VLDLR: variants seen among roughly 807,000 people sequenced by gnomAD.
VLDLR encodes the protein very low density lipoprotein receptor, also known as very low-density lipoprotein receptor.
In VLDLR, 81 loss-of-function variants were observed where a neutral mutation model predicts 112.7. That is an observed-to-expected ratio of 0.72 (90% CI 0.60 to 0.86). VLDLR has a LOEUF of 0.86. Ranked by LOEUF, VLDLR falls within the 40% of genes least tolerant of loss-of-function variation. The pLI is 0.00. For synonymous variants in VLDLR, 436 were observed against 384.8 expected (o/e 1.13, Z -1.56); for missense variants, 1,237 against 1,099.4 (o/e 1.13, Z -1.77).
rs189438512 is a variant in VLDLR, at chr9:2,659,422, G to C, written c.*5554G>C. 1.9e-4 allele frequency: 29 copies of C among 152,338 alleles called. No individual in the cohort carries two copies. The highest frequency in any genetic ancestry group is 5.5e-4 in the African/African-American group (23 of 41,574). The allele number at this position is 152,338 out of a possible 1,614,324, so 9.4% of individuals were successfully genotyped here. Reference sequence around the variant, plus strand: ...GTGTACTACTAGCACTACTACATCAGGTCAGCACAGATTAACTCAGTTACG... The same window carrying C: ...GTGTACTACTAGCACTACTACATCACGTCAGCACAGATTAACTCAGTTACG... On this transcript the variant is annotated 3_prime_UTR_variant, in exon 19 of 19. Transcript: ENST00000382100.
intron 1 of VLDLR, among the ~76,000 whole-genome samples, chr9:2,631,319 T>C (rs903277968): frequency 6.6e-5 from 10 of 152,228 alleles, no homozygotes; most frequent in African/African-American, 2.2e-4. Flanking sequence ...ACTGGGTATC[T>C]ACCCAAAGGA....
At chr9:2,640,126 C>T in intron 3 of VLDLR, 145 bp downstream of exon 3, 1 of 1,305,454 alleles carries the variant, frequency 7.7e-7, no homozygotes, top group South Asian at 1.2e-5. Context: ...GCAGTCAAAT[C>T]ATTACCAGTT....
Position 2,659,413 on chromosome 9 carries a change from A to G in VLDLR, c.*5545A>G, listed in dbSNP as rs1818722811. 6.6e-6 allele frequency: 1 copy of G among 152,248 alleles called. No individual in the cohort carries two copies. The highest frequency in any genetic ancestry group is 2.4e-5 in the African/African-American group (1 of 41,470). 9.4% of individuals were successfully genotyped at this position (152,248 alleles called of 1,614,324 possible). On this transcript the variant is annotated 3_prime_UTR_variant, in exon 19 of 19. Transcript: ENST00000382100. Reference sequence around the variant, plus strand: ...GTAATGGAAGTGTACTACTAGCACTACTACATCAGGTCAGCACAGATTAAC... The same window carrying G: ...GTAATGGAAGTGTACTACTAGCACTGCTACATCAGGTCAGCACAGATTAAC...
chr9:2,644,854 G>A lies in VLDLR; in HGVS notation c.1186+1G>A. 1 of 1,614,162 alleles carries A rather than the reference G, an allele frequency of 6.2e-7. No homozygotes were observed. Among genetic ancestry groups the A allele is most frequent in the Non-Finnish European group, 8.5e-7 (1 of 1,180,028 alleles). ...CTGATAGATAGGAAAACCTGTGGAG[G>A]TGAGTCTAAGAAGAAAACCTGGACC... On this transcript the variant is annotated splice_donor_variant, in intron 8 of 18. Coordinates refer to ENST00000382100, the MANE Select transcript of VLDLR (RefSeq NM_003383.5). LOFTEE classifies it high-confidence loss of function.
At chr9:2,638,739 C>A (rs1047339221) in intron 2 of VLDLR, among the ~76,000 whole-genome samples, 6 of 152,158 alleles carry the variant, frequency 3.9e-5, no homozygotes, top group Non-Finnish European at 8.8e-5. Context: ...TGCATGGTAA[C>A]CCTAAGTATA....
chr9:2,622,963 C>A (rs1211662680), intron 1 of VLDLR, among the ~76,000 whole-genome samples: 1 of 152,194 alleles, frequency 6.6e-6, no homozygotes, highest in Non-Finnish European at 1.5e-5. Flanking sequence ...TTCCCCGCCT[C>A]GGGCGGCGTT....
rs112150234 is a variant in VLDLR, at chr9:2,643,981, G to T, written c.1066+22G>T. ...TGTCGTAAGTGTACTTGTTGTTCAA[G>T]TACAGATCCTGGAAGTTTGACACAA... On this transcript the variant is annotated intron_variant, in intron 7 of 18. Coordinates refer to ENST00000382100, the MANE Select transcript of VLDLR (RefSeq NM_003383.5). 28 of 1,613,976 alleles carry T rather than the reference G, an allele frequency of 1.7e-5. No individual in the cohort carries two copies. The African/African-American group carries it at 2.9e-4, about 17-fold the overall frequency.
intron 1 of VLDLR, among the ~76,000 whole-genome samples, chr9:2,632,679 G>C (rs1325478646): frequency 6.6e-6 from 1 of 152,148 alleles, no homozygotes; most frequent in Non-Finnish European, 1.5e-5. Flanking sequence ...GAGGTGGATA[G>C]GTAGAACCTT....
At position 2,622,095 on chromosome 9, in the gene VLDLR, C is replaced by G. The variant is rs1460651295; in HGVS notation, c.-95C>G. 3 of 1,282,660 alleles carry G rather than the reference C, an allele frequency of 2.3e-6. No individual in the cohort carries two copies. Among genetic ancestry groups the G allele is most frequent in the African/African-American group, 3.1e-5 (2 of 64,902 alleles). The allele number at this position is 1,282,660 out of a possible 1,614,324, so 79.5% of individuals were successfully genotyped here. On this transcript the variant is annotated 5_prime_UTR_variant, in exon 1 of 19. Coordinates refer to ENST00000382100, the MANE Select transcript of VLDLR (RefSeq NM_003383.5). ...CTTCTCCCCCTTTCCCCTCCCCGCC[C>G]CCACCTTCTTCCTCCTTTCGGAAGG...
At chr9:2,641,836 AAAATT>A (rs1817842081) in intron 4 of VLDLR, among the ~76,000 whole-genome samples, 1 of 152,186 alleles carries the variant, frequency 6.6e-6, no homozygotes, top group Non-Finnish European at 1.5e-5. Flanking sequence ...TTGGCACAAT[AAAATT>A]AGAAGGTGAG....
At chr9:2,652,050 A>T in intron 17 of VLDLR, 96 bp downstream of exon 17, 1 of 1,119,662 alleles carries the variant, frequency 8.9e-7, no homozygotes, top group East Asian at 2.4e-5. Context: ...ATGGGCCTTT[A>T]TGCTGTCTAG....
intron 18 of VLDLR, 137 bp downstream of exon 18, chr9:2,653,086 C>A (rs1029574465): frequency 3.5e-6 from 4 of 1,127,912 alleles, no homozygotes; most frequent in Non-Finnish European, 5.3e-6. Flanking sequence ...ATTAGACAGA[C>A]AGTATAGCCT....
rs572795512 is a variant in VLDLR at position 2,653,936 on chromosome 9, C to T, written c.*68C>T. On this transcript the variant is annotated 3_prime_UTR_variant, in exon 19 of 19. Transcript: ENST00000382100. ...ACCCCCGTCGGAATGGTAACCGAGCCAGCAGCTGAAGTCTCTTTTTCTTCC... is the reference window on the plus strand; with the variant it reads ...ACCCCCGTCGGAATGGTAACCGAGCTAGCAGCTGAAGTCTCTTTTTCTTCC... 1.1e-4 allele frequency: 166 copies of T among 1,542,022 alleles called. 1 individual carries two copies. In the African/African-American group the frequency reaches 1.9e-3, roughly 17 times the overall value.
intron 14 of VLDLR, 111 bp downstream of exon 14, chr9:2,648,921 TTTTGCCCTCCTGTACCCTACCTTAAACA>T: frequency 7.1e-7 from 1 of 1,399,874 alleles, no homozygotes; most frequent in Non-Finnish European, 9.9e-7. Context: ...AAAAGGGAAC[TTTTGCCCTCCTGTACCCTACCTTAAACA>T]TTTCACATGT....
chr9:2,637,905 T>C (rs1277561428), intron 2 of VLDLR, among the ~76,000 whole-genome samples: 1 of 152,140 alleles, frequency 6.6e-6, no homozygotes, highest in Non-Finnish European at 1.5e-5. Context: ...ACCACGCCAC[T>C]GCACTCCAGC....
intron 3 of VLDLR, 29 bp downstream of exon 3, chr9:2,640,010 T>G (rs1333869602): frequency 6.2e-7 from 1 of 1,614,166 alleles, no homozygotes; most frequent in Non-Finnish European, 8.5e-7. Context: ...GGCCTTGAAC[T>G]TTGCCAAGTT....
At position 2,654,144 on chromosome 9, in the gene VLDLR, C is replaced by T. The variant is rs1442539674; in HGVS notation, c.*276C>T. ...CCACCTCTGGCCAAATATGCACTTT[C>T]CCTAGAAAGCCATATTCCAGCAGTG... On this transcript the variant is annotated 3_prime_UTR_variant, in exon 19 of 19. Transcript: ENST00000382100. The T allele has an allele frequency of 2.2e-6, 1 of 459,488 alleles. No homozygotes were observed. The highest frequency in any genetic ancestry group is 4.0e-6 in the Non-Finnish European group (1 of 248,838). 28.5% of individuals were successfully genotyped at this position (459,488 alleles called of 1,614,324 possible). A position where few individuals can be genotyped will look rare whatever the true frequency, so the allele number is the denominator to read the frequency against.
chr9:2,639,247 C>G (rs146617194), intron 2 of VLDLR, among the ~76,000 whole-genome samples: 8 of 152,356 alleles, frequency 5.3e-5, no homozygotes, highest in Admixed American at 4.6e-4. Flanking sequence ...TGACCATCTT[C>G]TCACTGTGTC....
intron 15 of VLDLR, among the ~76,000 whole-genome samples, chr9:2,650,972 C>T (rs1213822392): frequency 1.3e-5 from 2 of 152,170 alleles, no homozygotes; most frequent in Non-Finnish European, 2.9e-5. Flanking sequence ...AAATTAAAGT[C>T]ATTTGTGTGA....
Sources: allele counts gnomAD v4.1 joint callset (sites outside exome capture counted in the v4.1 genomes callset), GRCh38; gene constraint gnomAD v4.1.1; transcripts MANE v1.5; gene names NCBI Gene and HGNC (gene_info 2026-07-23, HGNC 2026-07-21).